MINPP1: variants seen among roughly 807,000 people sequenced by gnomAD.
MINPP1 encodes multiple inositol polyphosphate phosphatase 1.
A neutral mutation model predicts 46.1 loss-of-function variants in MINPP1; 28 were observed. The observed-to-expected ratio is 0.61, with a 90% CI of 0.45 to 0.83. The LOEUF (loss-of-function observed/expected upper bound fraction) is 0.83, where lower values mean the gene tolerates loss of function less well. Among genes scored for constraint, MINPP1 ranks in the 40% least tolerant of loss-of-function variants. The pLI is 0.00. For synonymous variants in MINPP1, 268 were observed against 249.1 expected (o/e 1.08, Z -0.72); for missense variants, 603 against 610.0 (o/e 0.99, Z 0.12).
chr10:87,517,654 T>G (rs550332718), intron 3 of MINPP1, among the ~76,000 whole-genome samples: 1 of 152,208 alleles, frequency 6.6e-6, no homozygotes, highest in African/African-American at 2.4e-5. Flanking sequence ...TCAGTAGACA[T>G]TGTTTTTAGT....
In MINPP1 at chr10:87,513,229, T is replaced by G. The variant is rs773486187; in HGVS notation, c.933+8T>G. The G allele has an allele frequency of 1.7e-5, 28 of 1,606,836 alleles. No individual in the cohort carries two copies. The Admixed American group carries it at 2.2e-4, about 12-fold the overall frequency. On this transcript the variant is annotated splice_region_variant and intron_variant, in intron 3 of 4. Transcript: ENST00000371996. ...GACATAGATGATGCAAAGGTAAGTA[T>G]TATTTTTGCAGTTTCTTTGCTTTTT...
chr10:87,530,364 A>C (rs1213865789), intron 4 of MINPP1, among the ~76,000 whole-genome samples: 1 of 152,084 alleles, frequency 6.6e-6, no homozygotes, highest in Non-Finnish European at 1.5e-5. Context: ...TTGGTCTTTG[A>C]TGATGGTGAT....
chr10:87,547,088 A>C (rs955903030), intron 4 of MINPP1, among the ~76,000 whole-genome samples: 11 of 152,168 alleles, frequency 7.2e-5, no homozygotes, highest in Admixed American at 7.2e-4. Flanking sequence ...CTTCCCACAA[A>C]TAAGAACTGA....
At chr10:87,513,256 A>T (rs749422063) in intron 3 of MINPP1, 35 bp downstream of exon 3, 278 of 1,562,456 alleles carry the variant, frequency 1.8e-4, no homozygotes, top group Non-Finnish European at 2.2e-4. Context: ...TTGCTTTTTT[A>T]AAAAAATTTT....
At chr10:87,506,758 C>T (rs1490431637) in intron 1 of MINPP1, among the ~76,000 whole-genome samples, 1 of 152,116 alleles carries the variant, frequency 6.6e-6, no homozygotes, top group Non-Finnish European at 1.5e-5. Context: ...AGCTTCAAAG[C>T]CCAAGTGAAA....
At chr10:87,511,714 T>C (rs959308940) in intron 2 of MINPP1, among the ~76,000 whole-genome samples, 1 of 152,236 alleles carries the variant, frequency 6.6e-6, no homozygotes, top group African/African-American at 2.4e-5. Context: ...AGTTTTTTGG[T>C]GAATTTTTTT....
Position 87,518,149 on chromosome 10 carries a change from C to T in MINPP1, c.934-2887C>T, listed in dbSNP as rs139344446. On this transcript the variant is annotated intron_variant, in intron 3 of 4. Transcript: ENST00000371996. ...TAATTTTTTGTGTTTTTAGTAGAGA[C>T]GGGGTTTCACCCTGTTAGCCAGGAT... 8.6e-3 allele frequency among the ~76,000 whole-genome samples: 1,301 copies of T among 151,518 alleles called. 7 individuals carry two copies. Among genetic ancestry groups the T allele is most frequent in the Non-Finnish European group, 0.013 (911 of 67,860 alleles).
At chr10:87,546,976 G>T (rs1851896055) in intron 4 of MINPP1, among the ~76,000 whole-genome samples, 1 of 152,056 alleles carries the variant, frequency 6.6e-6, no homozygotes, top group Non-Finnish European at 1.5e-5. Flanking sequence ...AAAATTTTGT[G>T]GGATTTTACA....
At position 87,519,590 on chromosome 10, in the gene MINPP1, T is replaced by C. The variant is rs78053308; in HGVS notation, c.934-1446T>C. On this transcript the variant is annotated intron_variant, in intron 3 of 4. Transcript: ENST00000371996. Reference sequence around the variant, plus strand: ...AGGGACACAAGTTGCCATTGTGCTGTGCTAGTCTAGATTGTAGGCAGCAAT... The same window carrying C: ...AGGGACACAAGTTGCCATTGTGCTGCGCTAGTCTAGATTGTAGGCAGCAAT... Among the ~76,000 whole-genome samples, 426 of 152,362 alleles carry C rather than the reference T, an allele frequency of 2.8e-3. 3 individuals carry two copies. The highest frequency in any genetic ancestry group is 9.3e-3 in the African/African-American group (388 of 41,588).
Position 87,538,004 on chromosome 10 carries a change from T to A in MINPP1, c.1068-14078T>A, listed in dbSNP as rs1320224853. On this transcript the variant is annotated intron_variant, in intron 4 of 4. Coordinates refer to ENST00000371996, the MANE Select transcript of MINPP1 (RefSeq NM_004897.5). ...TTATTTATTTTTATTTTTTTCTCACTGTGTTGCCCAGGCTGGTCTCCTGGT... is the reference window on the plus strand; with the variant it reads ...TTATTTATTTTTATTTTTTTCTCACAGTGTTGCCCAGGCTGGTCTCCTGGT... Among the ~76,000 whole-genome samples the A allele has an allele frequency of 2.0e-5, 3 of 152,028 alleles. No homozygotes were observed. The East Asian group carries it at 5.8e-4, about 29-fold the overall frequency.
Position 87,552,602 on chromosome 10 carries a change from A to G in MINPP1, c.*124A>G. ...TACTTGAGTATTTCTGTCTTTTCAC[A>G]GAAAAACATTGGGTTTCTCTCTGGG... On this transcript the variant is annotated 3_prime_UTR_variant, in exon 5 of 5. Transcript: ENST00000371996. 2 of 997,730 alleles carry G rather than the reference A, an allele frequency of 2.0e-6. No homozygotes were observed. The highest frequency in any genetic ancestry group is 1.5e-6 in the Non-Finnish European group (1 of 666,694). 61.8% of individuals were successfully genotyped at this position (997,730 alleles called of 1,614,324 possible).
At chr10:87,532,671 C>T (rs951726991) in intron 4 of MINPP1, among the ~76,000 whole-genome samples, 2 of 152,194 alleles carry the variant, frequency 1.3e-5, no homozygotes, top group African/African-American at 4.8e-5. Context: ...GAATAAAGTA[C>T]GGTTTGAGAC....
At chr10:87,512,740 A>C (rs1851353470) in intron 2 of MINPP1, among the ~76,000 whole-genome samples, 3 of 152,152 alleles carry the variant, frequency 2.0e-5, no homozygotes. Flanking sequence ...TGCCTGAGGC[A>C]GGAGGATTGC....
chr10:87,549,233 C>T (rs1851929548), intron 4 of MINPP1, among the ~76,000 whole-genome samples: 1 of 152,172 alleles, frequency 6.6e-6, no homozygotes, highest in Non-Finnish European at 1.5e-5. Context: ...GAGTCACAGT[C>T]TAGATTTCAT....
At chr10:87,525,716 G>A (rs529932440) in intron 4 of MINPP1, among the ~76,000 whole-genome samples, 13 of 152,126 alleles carry the variant, frequency 8.5e-5, no homozygotes, top group Non-Finnish European at 4.4e-5. Flanking sequence ...CCCACGACAG[G>A]CCCACGCCAT....
At position 87,508,359 on chromosome 10, in the gene MINPP1, G is replaced by A. The variant is rs1216511857; in HGVS notation, c.661G>A (p.Val221Ile). ...VADMEFGPPT[V>I]NDKLMRFFDH... ...AGATATGGAGTTTGGACCTCCAACA[G>A]TTAATGATAAACTAATGAGATTTTT... Residue 221 changes from valine to isoleucine, a missense_variant, in exon 2 of 5, where the codon GTT becomes ATT. Physicochemically the swap from Val to Ile is conservative, Grantham distance 29. This residue lies in a region of MINPP1 where 344 missense variants were observed against 381.1 expected (regional missense o/e 0.90). Coordinates refer to ENST00000371996, the MANE Select transcript of MINPP1 (RefSeq NM_004897.5). The A allele has an allele frequency of 1.2e-6, 2 of 1,612,952 alleles. No homozygotes were observed. Among genetic ancestry groups the A allele is most frequent in the East Asian group, 2.2e-5 (1 of 44,820 alleles).
intron 3 of MINPP1, among the ~76,000 whole-genome samples, chr10:87,515,768 G>A (rs950033759): frequency 6.6e-6 from 1 of 151,348 alleles, no homozygotes; most frequent in Non-Finnish European, 1.5e-5. Context: ...GTACACAGAG[G>A]TTCGTTATAC....
chr10:87,547,170 G>A lies in MINPP1; in HGVS notation c.1068-4912G>A, dbSNP rs78524120. Among the ~76,000 whole-genome samples, 1,491 of 152,206 alleles carry A rather than the reference G, an allele frequency of 9.8e-3. 19 individuals carry two copies. The highest frequency in any genetic ancestry group is 0.034 in the African/African-American group (1,420 of 41,528). ...TCTGTCACCCGGGCTAGAGTGCAGT[G>A]ACGTGATCTTGGCTCACTGTGACCA... On this transcript the variant is annotated intron_variant, in intron 4 of 4. Transcript: ENST00000371996.
chr10:87,531,907 G>A lies in MINPP1; in HGVS notation c.1067+10738G>A, dbSNP rs977008800. Among the ~76,000 whole-genome samples the A allele has an allele frequency of 3.3e-5, 5 of 152,040 alleles. 1 individual carries two copies. The South Asian group carries it at 8.3e-4, about 25-fold the overall frequency. On this transcript the variant is annotated intron_variant, in intron 4 of 4. Transcript: ENST00000371996. ...TGAAATCCAAAAGATTTATGGTCACGAACATTTTGGATAAGGAATACTCAA... is the reference window on the plus strand; with the variant it reads ...TGAAATCCAAAAGATTTATGGTCACAAACATTTTGGATAAGGAATACTCAA...
Sources: gnomAD v4.1 joint callset for allele counts (sites outside exome capture counted in the v4.1 genomes callset) on GRCh38, gnomAD v4.1.1 for gene constraint, gnomAD v4.1.1 regional missense constraint, MANE v1.5 for transcripts, NCBI Gene and HGNC (gene_info 2026-07-23, HGNC 2026-07-21) for gene names.